The following AZIN1 variants were observed in gnomAD, a reference collection of about 807,000 sequenced individuals.
AZIN1 encodes the protein ornithine decarboxylase antizyme inhibitor.
In AZIN1, 12 loss-of-function variants were observed where a neutral mutation model predicts 47.4. The observed-to-expected ratio is 0.25, with a 90% CI of 0.16 to 0.41. The LOEUF is 0.41. Ranked by LOEUF, AZIN1 falls within the 10% of genes least tolerant of loss-of-function variation. The probability of loss-of-function intolerance (pLI) is 1.00; values close to 1 mark genes in which losing one functional copy is unlikely to be tolerated. For synonymous variants in AZIN1, 155 were observed against 176.3 expected (o/e 0.88, Z 0.96); for missense variants, 410 against 532.4 (o/e 0.77, Z 2.26).
chr8:102,839,648 A>G lies in AZIN1; in HGVS notation c.276+2T>C. ...TTTAGTTAAAAAATGAAAAATACTT[A>G]CTTTACTGGAACAAGCAAATCCGGT... On this transcript the variant is annotated splice_donor_variant, in intron 4 of 11. Transcript: ENST00000337198. LOFTEE classifies it high-confidence loss of function. 1 of 1,538,218 alleles carries G rather than the reference A, an allele frequency of 6.5e-7. No homozygotes were observed. Among genetic ancestry groups the G allele is most frequent in the African/African-American group, 1.4e-5 (1 of 72,236 alleles).
chr8:102,854,720 T>C (rs1813174711), intron 2 of AZIN1, among the ~76,000 whole-genome samples: 1 of 151,058 alleles, frequency 6.6e-6, no homozygotes, highest in African/African-American at 2.4e-5. Context: ...AATGTGAATA[T>C]TTAAAATGCT....
intron 1 of AZIN1, among the ~76,000 whole-genome samples, chr8:102,859,943 G>A (rs1813526419): frequency 6.6e-6 from 1 of 152,204 alleles, no homozygotes; most frequent in Admixed American, 6.5e-5. Flanking sequence ...CCAGGAATTT[G>A]AGTCCAGCCT....
At chr8:102,854,935 G>A (rs1813189717) in intron 2 of AZIN1, among the ~76,000 whole-genome samples, 1 of 152,062 alleles carries the variant, frequency 6.6e-6, no homozygotes, top group South Asian at 2.1e-4. Flanking sequence ...AGCAAACTTA[G>A]CTTTTTAAGT....
In AZIN1 at chr8:102,834,317, G is replaced by A. The variant is rs1811676530; in HGVS notation, c.667-54C>T. 18 of 1,461,020 alleles carry A rather than the reference G, an allele frequency of 1.2e-5. No homozygotes were observed. The South Asian group carries it at 2.1e-4, about 17-fold the overall frequency. The allele number at this position is 1,461,020 out of a possible 1,614,324, so 90.5% of individuals were successfully genotyped here. A position where few individuals can be genotyped will look rare whatever the true frequency, so the allele number is the denominator to read the frequency against. On this transcript the variant is annotated intron_variant, in intron 7 of 11. Coordinates refer to ENST00000337198, the MANE Select transcript of AZIN1 (RefSeq NM_148174.4). The stretch of plus-strand genomic sequence containing the variant: ...TTTTTCCAAATTGTAATGGATATGA[G>A]AACATTTTAAAAACCCCCTCCTAGG...
intron 9 of AZIN1, among the ~76,000 whole-genome samples, chr8:102,832,576 G>T (rs1177208205): frequency 6.6e-6 from 1 of 151,996 alleles, no homozygotes; most frequent in Non-Finnish European, 1.5e-5. Flanking sequence ...TAAAACACAC[G>T]TATCTAAACA....
chr8:102,843,063 C>T (rs1011300296), intron 3 of AZIN1, among the ~76,000 whole-genome samples: 2 of 151,616 alleles, frequency 1.3e-5, no homozygotes, highest in Admixed American at 1.3e-4. Flanking sequence ...AAAAATTAGC[C>T]GGGTGTGGTG....
intron 2 of AZIN1, among the ~76,000 whole-genome samples, chr8:102,847,332 T>C (rs1812626329): frequency 7.1e-6 from 1 of 140,664 alleles, no homozygotes; most frequent in African/African-American, 2.7e-5. Flanking sequence ...CTGAGCAATA[T>C]AGGGAGAACC....
At chr8:102,854,786 TA>T (rs199733627) in intron 2 of AZIN1, among the ~76,000 whole-genome samples, 31 of 143,300 alleles carry the variant, frequency 2.2e-4, no homozygotes, top group South Asian at 2.2e-4. Context: ...GACAACCAGG[TA>T]AAAAAAAAAA....
intron 6 of AZIN1, 56 bp downstream of exon 6, chr8:102,836,200 G>GAC: frequency 6.5e-7 from 1 of 1,527,452 alleles, no homozygotes. Context: ...TAACCAGAAA[G>GAC]ACAGGTTACC....
chr8:102,848,658 T>C (rs972405656), intron 2 of AZIN1, among the ~76,000 whole-genome samples: 4 of 152,210 alleles, frequency 2.6e-5, no homozygotes, highest in Non-Finnish European at 4.4e-5. Flanking sequence ...TGCTTGAGTC[T>C]TTCATATGTT....
In AZIN1 at chr8:102,828,178, G is replaced by C. The variant is rs1330320173; in HGVS notation, c.*389C>G. On this transcript the variant is annotated 3_prime_UTR_variant, in exon 12 of 12. Transcript: ENST00000337198. ...GGTCTTCTAACATTTGATATATCTGGGTGAAAGACATGAACTTTACAAGAC... is the reference window on the plus strand; with the variant it reads ...GGTCTTCTAACATTTGATATATCTGCGTGAAAGACATGAACTTTACAAGAC... 1 of 155,924 alleles carries C rather than the reference G, an allele frequency of 6.4e-6. No individual in the cohort carries two copies. Among genetic ancestry groups the C allele is most frequent in the Non-Finnish European group, 1.4e-5 (1 of 70,418 alleles). 9.7% of individuals were successfully genotyped at this position (155,924 alleles called of 1,614,324 possible). A position where few individuals can be genotyped will look rare whatever the true frequency, so the allele number is the denominator to read the frequency against.
At position 102,830,053 on chromosome 8, in the gene AZIN1, C is replaced by T. The variant is rs538364151; in HGVS notation, c.905-117G>A. Reference sequence around the variant, plus strand: ...TAAACTTAAAAAGACACATAGAGCACGCATTTCACAAAGGAAGATAACCAA... The same window carrying T: ...TAAACTTAAAAAGACACATAGAGCATGCATTTCACAAAGGAAGATAACCAA... On this transcript the variant is annotated intron_variant, in intron 9 of 11. Transcript: ENST00000337198. The T allele has an allele frequency of 9.4e-5, 66 of 702,398 alleles. No individual in the cohort carries two copies. The South Asian group carries it at 1.0e-3, about 11-fold the overall frequency. The allele number at this position is 702,398 out of a possible 1,614,324, so 43.5% of individuals were successfully genotyped here.
chr8:102,828,528 A>G lies in AZIN1; in HGVS notation c.*39T>C, dbSNP rs771096872. ...ACTGGAATGTTGACCAGACAAGCTT[A>G]ACCTGCAACTTCAGATCTAAAGAAG... On this transcript the variant is annotated 3_prime_UTR_variant, in exon 12 of 12. Transcript: ENST00000337198. The G allele has an allele frequency of 7.3e-7, 1 of 1,362,000 alleles. No homozygotes were observed. Among genetic ancestry groups the G allele is most frequent in the Non-Finnish European group, 1.0e-6 (1 of 966,688 alleles). The allele number at this position is 1,362,000 out of a possible 1,614,324, so 84.4% of individuals were successfully genotyped here.
chr8:102,841,266 A>G (rs1336199321), intron 3 of AZIN1, among the ~76,000 whole-genome samples: 1 of 152,208 alleles, frequency 6.6e-6, no homozygotes, highest in Non-Finnish European at 1.5e-5. Flanking sequence ...AAGGTTAAAT[A>G]AGAGAGGACA....
rs554103511 is a variant in AZIN1, at chr8:102,826,687, T to C, written c.*1880A>G. ...TCCTGCAGATATGGCAAAGTTGATA[T>C]GCCATGAAGTTCAAGGCCTGTATAG... On this transcript the variant is annotated 3_prime_UTR_variant, in exon 12 of 12. Coordinates refer to ENST00000337198, the MANE Select transcript of AZIN1 (RefSeq NM_148174.4). The C allele has an allele frequency of 6.5e-6, 1 of 152,774 alleles. No individual in the cohort carries two copies. The highest frequency in any genetic ancestry group is 1.9e-4 in the East Asian group (1 of 5,194). The allele number at this position is 152,774 out of a possible 1,614,324, so 9.5% of individuals were successfully genotyped here.
At chr8:102,859,573 C>T (rs936796851) in intron 1 of AZIN1, among the ~76,000 whole-genome samples, 6 of 152,058 alleles carry the variant, frequency 3.9e-5, no homozygotes, top group Admixed American at 3.3e-4. Context: ...TATTTAAATA[C>T]AAAAAATAGG....
In AZIN1 at chr8:102,829,284, G is replaced by A. The variant is rs1193366894; in HGVS notation, c.1223C>T (p.Ser408Leu). ...FQRPAIYYMMSFSDWYEMQDA... is the reference protein window; with the variant it reads ...FQRPAIYYMMLFSDWYEMQDA... The stretch of plus-strand genomic sequence containing the variant: ...AAAATCACCTTACCAATCACTGAAT[G>A]ACATCATGTAATAAATGGCTGGCCT... The change falls in exon 11 of 12, where the codon TCA (serine) becomes TTA (leucine). Residue 408 changes from serine to leucine, a missense_variant. Physicochemically the swap from Ser to Leu is moderately radical, Grantham distance 145. Coordinates refer to ENST00000337198, the MANE Select transcript of AZIN1 (RefSeq NM_148174.4). 6.2e-7 allele frequency: 1 copy of A among 1,612,786 alleles called. No individual in the cohort carries two copies.
chr8:102,835,285 A>G (rs1036861419), intron 6 of AZIN1: 1 of 153,106 alleles, frequency 6.5e-6, no homozygotes, highest in African/African-American at 2.4e-5. Flanking sequence ...CACAAGTACT[A>G]AAATCCATAG....
At chr8:102,843,034 C>T (rs1018079237) in intron 3 of AZIN1, among the ~76,000 whole-genome samples, 6 of 151,848 alleles carry the variant, frequency 4.0e-5, no homozygotes, top group African/African-American at 7.3e-5. Flanking sequence ...ATGGCGAAAC[C>T]TCGTCTCTAC....
Sources: allele counts gnomAD v4.1 joint callset (sites outside exome capture counted in the v4.1 genomes callset), GRCh38; gene constraint gnomAD v4.1.1; transcripts MANE v1.5; gene names NCBI Gene and HGNC (gene_info 2026-07-23, HGNC 2026-07-21).